PLB1: variants seen among roughly 807,000 people sequenced by gnomAD.
The protein encoded by PLB1 is phospholipase B1, membrane-associated.
Under a neutral mutation model 227.4 loss-of-function variants are expected in PLB1, and 242 were observed. That is an observed-to-expected ratio of 1.06 (90% confidence interval 0.96 to 1.18). The LOEUF is 1.18. PLB1 is among the 50% of genes most tolerant of loss of function. PLB1 has a pLI of 0.00. For synonymous variants in PLB1, 757 were observed against 682.2 expected (o/e 1.11, Z -1.71); for missense variants, 1,858 against 1,816.3 (o/e 1.02, Z -0.42).
At chr2:28,627,805 G>A (rs754349697) in intron 51 of PLB1, among the ~76,000 whole-genome samples, 3 of 152,150 alleles carry the variant, frequency 2.0e-5, no homozygotes, top group Non-Finnish European at 2.9e-5. Flanking sequence ...CTGCTTTGTG[G>A]GTGCCTCAAC....
intron 43 of PLB1, among the ~76,000 whole-genome samples, chr2:28,612,769 ATTTT>A (rs10557060): frequency 0.047 from 5,924 of 124,970 alleles, 141 homozygotes; most frequent in Non-Finnish European, 0.064. Flanking sequence ...CCACACCTGG[ATTTT>A]TTTTTTTTTT....
intron 20 of PLB1, among the ~76,000 whole-genome samples, chr2:28,568,519 A>C (rs941850693): frequency 1.3e-5 from 2 of 152,196 alleles, no homozygotes; most frequent in Non-Finnish European, 2.9e-5. Flanking sequence ...AACTATATGG[A>C]AACGTGTTAG....
intron 40 of PLB1, 27 bp from the exon 41 acceptor site, chr2:28,604,628 C>G (rs1573369680): frequency 6.2e-7 from 1 of 1,605,586 alleles, no homozygotes; most frequent in Non-Finnish European, 8.5e-7. Flanking sequence ...AGGGCCTGGG[C>G]TGAAGACCCT....
intron 39 of PLB1, 62 bp from the exon 40 acceptor site, chr2:28,603,904 C>G: frequency 6.6e-7 from 1 of 1,507,424 alleles, no homozygotes; most frequent in African/African-American, 1.4e-5. Context: ...CCTGGGCAAT[C>G]AGAACCAGCC....
intron 1 of PLB1, among the ~76,000 whole-genome samples, chr2:28,496,424 C>T (rs192316216): frequency 6.6e-6 from 1 of 152,230 alleles, no homozygotes; most frequent in Non-Finnish European, 1.5e-5. Flanking sequence ...AGTCCGGTAG[C>T]AGTACCATGG....
chr2:28,563,615 A>ATAGGCCAGAGATGTTCCAAACCCAC (rs1414904322), intron 18 of PLB1, among the ~76,000 whole-genome samples: 1 of 152,130 alleles, frequency 6.6e-6, no homozygotes, highest in African/African-American at 2.4e-5. Context: ...GAAGAGGCAG[A>ATAGGCCAGAGATGTTCCAAACCCAC]TAGGCCAGAG....
At chr2:28,611,948 G>A (rs1373007197) in intron 43 of PLB1, among the ~76,000 whole-genome samples, 2 of 151,972 alleles carry the variant, frequency 1.3e-5, no homozygotes, top group Non-Finnish European at 2.9e-5. Flanking sequence ...AGACCATCCT[G>A]GCTAACATGG....
chr2:28,567,459 A>G (rs942904865), intron 20 of PLB1, among the ~76,000 whole-genome samples: 3 of 128,878 alleles, frequency 2.3e-5, no homozygotes, highest in South Asian at 2.5e-4. Context: ...GCTCGGAATG[A>G]TTTCTTTCTC....
intron 43 of PLB1, 123 bp from the exon 44 acceptor site, chr2:28,613,908 T>G (rs537306610): frequency 3.3e-5 from 27 of 815,484 alleles, no homozygotes; most frequent in Non-Finnish European, 4.9e-5. Context: ...TACAGTTCTT[T>G]CTATATAAGT....
intron 43 of PLB1, 22 bp downstream of exon 43, chr2:28,606,589 G>A: frequency 6.2e-7 from 1 of 1,609,286 alleles, no homozygotes; most frequent in South Asian, 1.1e-5. Flanking sequence ...GGACCTGCCT[G>A]GCTCCTCTCC....
chr2:28,529,933 C>T (rs948993324), intron 8 of PLB1, among the ~76,000 whole-genome samples, 154 bp downstream of exon 8: 6 of 152,116 alleles, frequency 3.9e-5, no homozygotes, highest in Middle Eastern at 3.2e-3. Flanking sequence ...CATTCTCTGG[C>T]GGTCATTAGA....
At chr2:28,574,772 A>G (rs187257429) in intron 21 of PLB1, among the ~76,000 whole-genome samples, 1 of 152,052 alleles carries the variant, frequency 6.6e-6, no homozygotes, top group African/African-American at 2.4e-5. Context: ...ACAATATGTG[A>G]TTTTCCATTC....
At chr2:28,581,627 A>C (rs1410759663) in intron 23 of PLB1, among the ~76,000 whole-genome samples, 1 of 152,152 alleles carries the variant, frequency 6.6e-6, no homozygotes, top group Non-Finnish European at 1.5e-5. Context: ...TGGGGCCCCA[A>C]AGACAAACAC....
At chr2:28,545,255 C>T (rs563828256) in intron 14 of PLB1, among the ~76,000 whole-genome samples, 261 of 134,038 alleles carry the variant, frequency 1.9e-3, no homozygotes, top group African/African-American at 6.9e-3. Context: ...TTCCCAGTGC[C>T]AGTGCAAACC....
chr2:28,510,714 C>A (rs1050931079), intron 1 of PLB1, among the ~76,000 whole-genome samples: 1 of 144,006 alleles, frequency 6.9e-6, no homozygotes, highest in South Asian at 2.2e-4. Context: ...ACCTCAAACT[C>A]CTGGGCTCAA....
intron 1 of PLB1, among the ~76,000 whole-genome samples, chr2:28,509,578 T>C (rs1667996276): frequency 6.6e-6 from 1 of 152,218 alleles, no homozygotes; most frequent in African/African-American, 2.4e-5. Flanking sequence ...CCTGTCCAAC[T>C]TGGATGACTG....
chr2:28,568,797 T>G (rs1677502525), intron 20 of PLB1, among the ~76,000 whole-genome samples: 1 of 152,136 alleles, frequency 6.6e-6, no homozygotes, highest in South Asian at 2.1e-4. Context: ...ATTCGTCAGG[T>G]AAGGAAAGGG....
chr2:28,629,578 C>G (rs996505140), intron 53 of PLB1, among the ~76,000 whole-genome samples: 1 of 152,208 alleles, frequency 6.6e-6, no homozygotes, highest in Admixed American at 6.5e-5. Context: ...CTTGAACAAA[C>G]CACATAACCT....
chr2:28,566,856 G>T lies in PLB1; in HGVS notation c.1324+17G>T, dbSNP rs771768580. The stretch of plus-strand genomic sequence containing the variant: ...CCCTGGCGAGTGAGTACGCGGCGGC[G>T]GCCGGGATGTTTGGTTTGGGGCGGC... On this transcript the variant is annotated intron_variant, in intron 20 of 57. Transcript: ENST00000327757. 3 of 1,613,902 alleles carry T rather than the reference G, an allele frequency of 1.9e-6. No individual in the cohort carries two copies. The highest frequency in any genetic ancestry group is 1.7e-6 in the Non-Finnish European group (2 of 1,179,878).
Sources: allele counts gnomAD v4.1 joint callset (sites outside exome capture counted in the v4.1 genomes callset), GRCh38; gene constraint gnomAD v4.1.1; transcripts MANE v1.5; gene names NCBI Gene and HGNC (gene_info 2026-07-23, HGNC 2026-07-21).